Variants in ZMAT4 observed in about 807,000 individuals in gnomAD.
The protein encoded by ZMAT4 is zinc finger matrin-type protein 4.
ZMAT4 carries 17 observed loss-of-function variants against 28.7 expected under a neutral mutation model. That is an observed-to-expected ratio of 0.59 (90% CI 0.41 to 0.89). The LOEUF is 0.89. Ranked by LOEUF, ZMAT4 falls within the 40% of genes least tolerant of loss-of-function variation. The pLI is 0.00. For synonymous variants in ZMAT4, 117 were observed against 109.2 expected (o/e 1.07, Z -0.44); for missense variants, 240 against 283.8 (o/e 0.85, Z 1.11).
chr8:40,614,234 A>G (rs1805911341), intron 5 of ZMAT4, among the ~76,000 whole-genome samples: 1 of 152,258 alleles, frequency 6.6e-6, no homozygotes, highest in Admixed American at 6.5e-5. Context: ...TAGGAAGCCC[A>G]GGACTAAGAA....
intron 1 of ZMAT4, among the ~76,000 whole-genome samples, chr8:40,873,749 G>A (rs188703264): frequency 6.6e-6 from 1 of 152,146 alleles, no homozygotes. Flanking sequence ...TCTTAAAATG[G>A]TTTCACTTCA....
intron 5 of ZMAT4, among the ~76,000 whole-genome samples, chr8:40,665,951 T>C (rs1196400653): frequency 6.6e-6 from 1 of 152,236 alleles, no homozygotes; most frequent in African/African-American, 2.4e-5. Context: ...TAATGAATTC[T>C]TTTGTTCTGT....
chr8:40,661,007 C>T (rs967344999), intron 5 of ZMAT4, among the ~76,000 whole-genome samples: 1 of 152,124 alleles, frequency 6.6e-6, no homozygotes, highest in Non-Finnish European at 1.5e-5. Flanking sequence ...CAGGGTTTAT[C>T]ACATGCCTGT....
chr8:40,667,865 C>T (rs1026637787), intron 5 of ZMAT4, among the ~76,000 whole-genome samples: 1 of 146,742 alleles, frequency 6.8e-6, no homozygotes, highest in African/African-American at 2.5e-5. Flanking sequence ...AAAAAAAAAC[C>T]AAGAAAAAGA....
chr8:40,757,691 T>G, intron 3 of ZMAT4, among the ~76,000 whole-genome samples: 1 of 152,162 alleles, frequency 6.6e-6, no homozygotes, highest in East Asian at 1.9e-4. Context: ...CCATCAAATA[T>G]CCTTGGAAGG....
chr8:40,606,687 G>A (rs111656500), intron 5 of ZMAT4, among the ~76,000 whole-genome samples: 4 of 152,190 alleles, frequency 2.6e-5, no homozygotes, highest in South Asian at 4.2e-4. Flanking sequence ...TGAATTTCCC[G>A]GGTGTTGTTT....
At chr8:40,562,400 G>A (rs140534830) in intron 6 of ZMAT4, among the ~76,000 whole-genome samples, 8 of 152,240 alleles carry the variant, frequency 5.3e-5, no homozygotes, top group South Asian at 2.1e-4. Flanking sequence ...TCACTGGGTA[G>A]CACTTTTGAC....
chr8:40,840,818 T>C (rs1378297626), intron 1 of ZMAT4, among the ~76,000 whole-genome samples: 1 of 152,222 alleles, frequency 6.6e-6, no homozygotes, highest in East Asian at 1.9e-4. Flanking sequence ...GTCCCCAATG[T>C]AGTTACAGTT....
At chr8:40,785,753 G>A (rs1814045610) in intron 2 of ZMAT4, among the ~76,000 whole-genome samples, 2 of 152,112 alleles carry the variant, frequency 1.3e-5, no homozygotes, top group South Asian at 4.1e-4. Context: ...CTCATCCAGG[G>A]AAAATAATAA....
intron 6 of ZMAT4, among the ~76,000 whole-genome samples, chr8:40,545,561 GT>G (rs1803173964): frequency 6.6e-6 from 1 of 152,060 alleles, no homozygotes; most frequent in Admixed American, 6.6e-5. Flanking sequence ...AATATGACTG[GT>G]GTCCTTATGA....
intron 1 of ZMAT4, among the ~76,000 whole-genome samples, chr8:40,844,604 T>C (rs1377212413): frequency 1.3e-5 from 2 of 151,332 alleles, no homozygotes; most frequent in African/African-American, 2.4e-5. Context: ...TATGTATATA[T>C]ACTCTTTCTC....
At chr8:40,618,357 A>C (rs1806086453) in intron 5 of ZMAT4, among the ~76,000 whole-genome samples, 1 of 152,192 alleles carries the variant, frequency 6.6e-6, no homozygotes, top group Non-Finnish European at 1.5e-5. Context: ...TACAGAACTA[A>C]ATGCTCACAA....
intron 5 of ZMAT4, among the ~76,000 whole-genome samples, chr8:40,629,368 AT>A (rs35397283): frequency 0.49 from 72,239 of 148,390 alleles, 19,000 homozygotes; most frequent in Non-Finnish European, 0.6. Flanking sequence ...TTATTGGGAA[AT>A]TTTTTTTTGA....
In ZMAT4 at chr8:40,893,316, C is replaced by T. The variant is rs80290188; in HGVS notation, c.-5+4367G>A. ...GTAGCATCTGCAGTGGGATGTAGGGCTCTGTGGCAAAATCAAGAGAGAAGG... is the reference window on the plus strand; with the variant it reads ...GTAGCATCTGCAGTGGGATGTAGGGTTCTGTGGCAAAATCAAGAGAGAAGG... On this transcript the variant is annotated intron_variant, in intron 1 of 6. Transcript: ENST00000297737. Among the ~76,000 whole-genome samples the T allele has an allele frequency of 1.4e-3, 211 of 152,296 alleles. 2 individuals are homozygous for T. The highest frequency in any genetic ancestry group is 4.9e-3 in the African/African-American group (203 of 41,560).
intron 2 of ZMAT4, among the ~76,000 whole-genome samples, chr8:40,811,781 T>C (rs1815327732): frequency 6.6e-6 from 1 of 152,062 alleles, no homozygotes; most frequent in African/African-American, 2.4e-5. Flanking sequence ...TACTGCCAAA[T>C]GAATAGCAAG....
chr8:40,830,729 C>T (rs1483102745), intron 1 of ZMAT4, among the ~76,000 whole-genome samples: 1 of 152,192 alleles, frequency 6.6e-6, no homozygotes, highest in Non-Finnish European at 1.5e-5. Flanking sequence ...CATTCCATTT[C>T]TGATGGTGCT....
At chr8:40,751,128 T>A (rs1231551745) in intron 3 of ZMAT4, among the ~76,000 whole-genome samples, 2 of 152,222 alleles carry the variant, frequency 1.3e-5, no homozygotes, top group Non-Finnish European at 2.9e-5. Context: ...TTCTCTCTTA[T>A]GGCTGAAATA....
intron 6 of ZMAT4, among the ~76,000 whole-genome samples, chr8:40,571,948 G>T (rs1804112691): frequency 6.6e-6 from 1 of 152,084 alleles, no homozygotes; most frequent in Non-Finnish European, 1.5e-5. Flanking sequence ...GGGTTTCTTG[G>T]TTAATATCAG....
intron 5 of ZMAT4, among the ~76,000 whole-genome samples, chr8:40,611,606 C>G: frequency 6.6e-6 from 1 of 152,200 alleles, no homozygotes; most frequent in Non-Finnish European, 1.5e-5. Context: ...TCCCAAAGTG[C>G]TGGGATTACA....
Sources: gnomAD v4.1 joint callset for allele counts (sites outside exome capture counted in the v4.1 genomes callset) on GRCh38, gnomAD v4.1.1 for gene constraint, MANE v1.5 for transcripts, NCBI Gene and HGNC (gene_info 2026-07-23, HGNC 2026-07-21) for gene names.